COL4A5: variants seen among roughly 807,000 people sequenced by gnomAD.
The protein encoded by COL4A5 is collagen type IV alpha 5 chain.
A neutral mutation model predicts 130.2 loss-of-function variants in COL4A5; 26 were observed. The observed-to-expected ratio is 0.20, with a 90% confidence interval of 0.15 to 0.28. The LOEUF (loss-of-function observed/expected upper bound fraction) is 0.28, where lower values mean the gene tolerates loss of function less well. COL4A5 is among the 10% of genes least tolerant of loss of function. The pLI is 1.00. For missense variants in COL4A5, 1,131 were observed against 1,344.3 expected (o/e 0.84, Z 2.48); for synonymous variants, 496 against 439.6 (o/e 1.13, Z -1.60).
chrX:108,687,432 G>A lies in COL4A5; in HGVS notation c.4316-50G>A, dbSNP rs1392117536. On this transcript the variant is annotated intron_variant, in intron 48 of 52. Transcript: ENST00000328300. ...TAATGTTTTGTCAATATCCATAAGAGTGGATCAGAGCTTACTTAATCTTGT... is the reference window on the plus strand; with the variant it reads ...TAATGTTTTGTCAATATCCATAAGAATGGATCAGAGCTTACTTAATCTTGT... 3 of 1,034,038 alleles carry A rather than the reference G, an allele frequency of 2.9e-6. No homozygotes were observed. In the South Asian group the frequency reaches 5.6e-5, roughly 19 times the overall value. The allele number at this position is 1,034,038 out of a possible 1,213,427, so 85.2% of individuals were successfully genotyped here.
chrX:108,452,756 T>C (rs2064535695), intron 1 of COL4A5, among the ~76,000 whole-genome samples: 1 of 112,001 alleles, frequency 8.9e-6, no homozygotes. Flanking sequence ...AGATATACAA[T>C]CATGTCATCT....
intron 29 of COL4A5, among the ~76,000 whole-genome samples, chrX:108,612,584 A>G (rs951323274): frequency 8.9e-6 from 1 of 111,883 alleles, no homozygotes; most frequent in African/African-American, 3.2e-5. Context: ...TTAGGTATGC[A>G]TAGGTCCAAC....
At chrX:108,533,911 A>C (rs768838914) in intron 1 of COL4A5, among the ~76,000 whole-genome samples, 1 of 111,451 alleles carries the variant, frequency 9.0e-6, no homozygotes, top group African/African-American at 3.3e-5. Flanking sequence ...ATTTCTCATA[A>C]AAAAGACATA....
chrX:108,468,506 T>G (rs1268361981), intron 1 of COL4A5, among the ~76,000 whole-genome samples: 5 of 110,684 alleles, frequency 4.5e-5, no homozygotes, highest in Non-Finnish European at 7.6e-5. Flanking sequence ...TAAGTGTTTT[T>G]TTTTTTTTTT....
chrX:108,552,770 C>T (rs2065771409), intron 2 of COL4A5, among the ~76,000 whole-genome samples: 1 of 111,729 alleles, frequency 9.0e-6, no homozygotes, highest in South Asian at 3.7e-4. Context: ...TTTTCTGGGG[C>T]TACAAATTTA....
Position 108,439,968 on chromosome X carries a change from T to TC in COL4A5, c.-157dup, listed in dbSNP as rs1201529869. The TC allele has an allele frequency of 2.9e-5, 13 of 450,473 alleles. No homozygotes were observed. Among genetic ancestry groups the TC allele is most frequent in the Middle Eastern group, 5.9e-4 (1 of 1,700 alleles). 37.1% of individuals were successfully genotyped at this position (450,473 alleles called of 1,213,427 possible). On this transcript the variant is annotated 5_prime_UTR_variant, in exon 1 of 53. Transcript: ENST00000328300. ...CTCCTTCTTCTTCTTCTTTTTTTTT[T>TC]CTTCCACTCTTAAAAAGCTTCTTTC... is the stretch of plus-strand genomic sequence containing the variant.
At chrX:108,547,903 C>T (rs763294080) in intron 2 of COL4A5, among the ~76,000 whole-genome samples, 41 of 111,946 alleles carry the variant, frequency 3.7e-4, no homozygotes, top group Admixed American at 9.4e-5. Flanking sequence ...TAGGACCCTC[C>T]GAGCCAGGCA....
At chrX:108,591,849 A>G (rs2066442358) in intron 21 of COL4A5, among the ~76,000 whole-genome samples, 1 of 110,600 alleles carries the variant, frequency 9.0e-6, no homozygotes, top group Non-Finnish European at 1.9e-5. Context: ...CTAGCTTACT[A>G]CCTCTAGTAA....
At chrX:108,605,022 G>T (rs1230653187) in intron 28 of COL4A5, among the ~76,000 whole-genome samples, 1 of 112,056 alleles carries the variant, frequency 8.9e-6, no homozygotes, top group African/African-American at 3.2e-5. Flanking sequence ...TTGATCTTCT[G>T]TCCAGATCAC....
At chrX:108,687,355 C>A in intron 48 of COL4A5, 127 bp from the exon 49 acceptor site, 1 of 597,820 alleles carries the variant, frequency 1.7e-6, no homozygotes, top group Non-Finnish European at 2.8e-6. Context: ...CTGACAATGC[C>A]TTTATAGACA....
At chrX:108,531,379 A>AAAAAATAAAT (rs1320720980) in intron 1 of COL4A5, among the ~76,000 whole-genome samples, 1 of 107,838 alleles carries the variant, frequency 9.3e-6, no homozygotes, top group African/African-American at 3.4e-5. Flanking sequence ...ATAAATAAAT[A>AAAAAATAAAT]AAAAATAAAA....
intron 36 of COL4A5, among the ~76,000 whole-genome samples, chrX:108,630,584 A>G (rs2067237037): frequency 9.0e-6 from 1 of 111,044 alleles, no homozygotes; most frequent in Non-Finnish European, 1.9e-5. Context: ...GATTGCAAAA[A>G]TTTTCTCCCA....
At chrX:108,569,463 T>C (rs1274560911) in intron 6 of COL4A5, among the ~76,000 whole-genome samples, 1 of 111,468 alleles carries the variant, frequency 9.0e-6, no homozygotes, top group Non-Finnish European at 1.9e-5. Flanking sequence ...TAATAGATAA[T>C]AAGAAAAAAT....
intron 2 of COL4A5, among the ~76,000 whole-genome samples, chrX:108,547,433 G>A (rs1468223119): frequency 2.7e-5 from 3 of 111,675 alleles, no homozygotes; most frequent in East Asian, 2.8e-4. Flanking sequence ...GAATATTGGT[G>A]AACAGCAAAT....
At chrX:108,492,065 C>T (rs1044645448) in intron 1 of COL4A5, among the ~76,000 whole-genome samples, 2 of 111,459 alleles carry the variant, frequency 1.8e-5, no homozygotes, top group East Asian at 5.6e-4. Flanking sequence ...CTGGTAATTT[C>T]GAAGGCCATG....
intron 1 of COL4A5, among the ~76,000 whole-genome samples, chrX:108,496,451 A>C (rs1384955147): frequency 9.0e-6 from 1 of 110,558 alleles, no homozygotes; most frequent in Non-Finnish European, 1.9e-5. Flanking sequence ...CTATTTTTTA[A>C]ATTTATAATT....
chrX:108,688,898 C>T (rs1329696701), intron 49 of COL4A5, among the ~76,000 whole-genome samples: 2 of 111,343 alleles, frequency 1.8e-5, no homozygotes, highest in African/African-American at 3.3e-5. Flanking sequence ...AGCAGAGACC[C>T]CGGAGGTCAG....
chrX:108,539,895 T>A, intron 2 of COL4A5, 90 bp downstream of exon 2: 1 of 710,521 alleles, frequency 1.4e-6, no homozygotes, highest in Non-Finnish European at 2.2e-6. Flanking sequence ...AGCTTCTATC[T>A]CAGTACTTAA....
chrX:108,617,999 G>C (rs983522386), intron 30 of COL4A5, among the ~76,000 whole-genome samples: 6 of 111,801 alleles, frequency 5.4e-5, no homozygotes, highest in African/African-American at 1.9e-4. Context: ...GGGAGGGTGT[G>C]TGTATGTGTG....
Sources: allele counts gnomAD v4.1 joint callset (sites outside exome capture counted in the v4.1 genomes callset), GRCh38; gene constraint gnomAD v4.1.1; transcripts MANE v1.5; gene names NCBI Gene and HGNC (gene_info 2026-07-23, HGNC 2026-07-21).